Variants in CADM2 observed in about 807,000 individuals in gnomAD.
The protein encoded by CADM2 is immunoglobulin superfamily member 4D.
In CADM2, 12 loss-of-function variants were observed where a neutral mutation model predicts 49.8. That is an observed-to-expected ratio of 0.24 (90% confidence interval 0.15 to 0.39). The LOEUF (loss-of-function observed/expected upper bound fraction) is 0.39, where lower values mean the gene tolerates loss of function less well. Among genes scored for constraint, CADM2 ranks in the 10% least tolerant of loss-of-function variants. The pLI is 1.00. For missense variants in CADM2, 378 were observed against 492.3 expected (o/e 0.77, Z 2.20); for synonymous variants, 214 against 175.4 (o/e 1.22, Z -1.74).
At chr3:85,599,909 T>C in intron 1 of CADM2, among the ~76,000 whole-genome samples, 1 of 40,924 alleles carries the variant, frequency 2.4e-5, no homozygotes, top group African/African-American at 7.1e-5. Context: ...AGAAATTATG[T>C]ACATAGTTAA....
At chr3:85,998,371 C>T (rs1002966537) in intron 8 of CADM2, among the ~76,000 whole-genome samples, 8 of 152,024 alleles carry the variant, frequency 5.3e-5, no homozygotes, top group East Asian at 1.9e-4. Flanking sequence ...AGGAATAATA[C>T]GGCTTTCCTT....
At chr3:85,495,843 C>A (rs1350274123) in intron 1 of CADM2, among the ~76,000 whole-genome samples, 2 of 152,030 alleles carry the variant, frequency 1.3e-5, no homozygotes, top group Non-Finnish European at 2.9e-5. Context: ...ACAAGCCATT[C>A]ATGAGGGATC....
At chr3:85,057,935 A>C (rs2036151540) in intron 1 of CADM2, among the ~76,000 whole-genome samples, 1 of 152,154 alleles carries the variant, frequency 6.6e-6, no homozygotes, top group Non-Finnish European at 1.5e-5. Context: ...CTTTTTCATA[A>C]AATATTTTAC....
intron 3 of CADM2, among the ~76,000 whole-genome samples, chr3:85,843,908 C>A (rs1030110251): frequency 6.6e-6 from 1 of 151,232 alleles, no homozygotes; most frequent in African/African-American, 2.4e-5. Context: ...GGGGGGGGAG[C>A]GGTTACTAAA....
intron 1 of CADM2, among the ~76,000 whole-genome samples, chr3:85,282,606 T>C (rs1370019507): frequency 1.3e-5 from 2 of 151,850 alleles, no homozygotes; most frequent in Non-Finnish European, 2.9e-5. Context: ...CTGAAACTTA[T>C]ATAGATTTCG....
At chr3:85,439,173 A>T (rs868062698) in intron 1 of CADM2, among the ~76,000 whole-genome samples, 115 of 132,848 alleles carry the variant, frequency 8.7e-4, no homozygotes, top group African/African-American at 3.5e-3. Flanking sequence ...TTTTTTTTTT[A>T]ACGGAGTTTC....
chr3:85,403,243 C>A (rs1240672062), intron 1 of CADM2, among the ~76,000 whole-genome samples: 1 of 152,052 alleles, frequency 6.6e-6, no homozygotes, highest in Non-Finnish European at 1.5e-5. Flanking sequence ...GATGAAGCGA[C>A]ATTGTATTCT....
intron 1 of CADM2, among the ~76,000 whole-genome samples, chr3:85,616,909 GA>G (rs2063815094): frequency 6.6e-6 from 1 of 152,088 alleles, no homozygotes; most frequent in African/African-American, 2.4e-5. Flanking sequence ...ACTTGGCTAA[GA>G]AACAAAGTCT....
At chr3:85,145,420 C>A (rs1183788218) in intron 1 of CADM2, among the ~76,000 whole-genome samples, 1 of 151,940 alleles carries the variant, frequency 6.6e-6, no homozygotes, top group Non-Finnish European at 1.5e-5. Flanking sequence ...CTTTTTTTCC[C>A]ACAGTATTTT....
At chr3:85,247,108 AAATAT>A (rs1204859920) in intron 1 of CADM2, among the ~76,000 whole-genome samples, 4 of 152,074 alleles carry the variant, frequency 2.6e-5, no homozygotes, top group African/African-American at 9.6e-5. Flanking sequence ...ACATCATACT[AAATAT>A]AATAAAATAA....
chr3:85,892,140 C>T (rs1445541745), intron 5 of CADM2, among the ~76,000 whole-genome samples: 31 of 152,146 alleles, frequency 2.0e-4, no homozygotes, highest in Admixed American at 2.0e-3. Flanking sequence ...GCATTGCAAG[C>T]AAGAGCTGGT....
chr3:85,766,564 A>T (rs2069665534), intron 2 of CADM2, among the ~76,000 whole-genome samples: 1 of 152,232 alleles, frequency 6.6e-6, no homozygotes, highest in Non-Finnish European at 1.5e-5. Context: ...ATTTGGAGCA[A>T]CCAAGAGACT....
rs201394788 is a variant in CADM2 at position 85,507,825 on chromosome 3, T to A, written c.62-218697T>A. 1.2e-4 allele frequency among the ~76,000 whole-genome samples: 19 copies of A among 152,350 alleles called. No homozygotes were observed. In the East Asian group the frequency reaches 3.7e-3, roughly 29 times the overall value. On this transcript the variant is annotated intron_variant, in intron 1 of 9. Coordinates refer to ENST00000383699, the MANE Select transcript of CADM2 (RefSeq NM_001167675.2). ...AAGCATATCTGTTTCTGGGGGATAA[T>A]TTAACCAATTTTACACTTGTGGCAG... is the stretch of plus-strand genomic sequence containing the variant.
intron 1 of CADM2, among the ~76,000 whole-genome samples, chr3:85,603,320 G>A (rs2063463446): frequency 1.3e-5 from 2 of 151,836 alleles, no homozygotes; most frequent in African/African-American, 4.8e-5. Context: ...GGATACAGTT[G>A]GTAGTTCTTG....
At chr3:85,805,169 C>T (rs1577351193) in intron 3 of CADM2, among the ~76,000 whole-genome samples, 1 of 152,066 alleles carries the variant, frequency 6.6e-6, no homozygotes, top group Non-Finnish European at 1.5e-5. Flanking sequence ...GGCTGCAACT[C>T]CTGAGCTCAA....
intron 1 of CADM2, among the ~76,000 whole-genome samples, chr3:85,670,755 TGAG>T (rs568675365): frequency 1.3e-4 from 20 of 152,280 alleles, no homozygotes; most frequent in African/African-American, 3.4e-4. Flanking sequence ...AGAAGAGAGA[TGAG>T]GAAGTAATTT....
chr3:85,035,385 G>T (rs1012137210), intron 1 of CADM2, among the ~76,000 whole-genome samples: 1 of 152,092 alleles, frequency 6.6e-6, no homozygotes, highest in African/African-American at 2.4e-5. Flanking sequence ...TTTTCAGTTT[G>T]TTGACTGTTT....
chr3:85,740,362 G>A (rs1320909733), intron 2 of CADM2, among the ~76,000 whole-genome samples: 2 of 152,100 alleles, frequency 1.3e-5, no homozygotes, highest in South Asian at 2.1e-4. Context: ...TAAAGATAAT[G>A]AACTCTTCCT....
intron 1 of CADM2, among the ~76,000 whole-genome samples, chr3:85,194,062 T>G (rs1937742478): frequency 6.6e-6 from 1 of 152,112 alleles, no homozygotes; most frequent in African/African-American, 2.4e-5. Flanking sequence ...CAGAGAAGCC[T>G]TCCTAAAGAA....
Sources: gnomAD v4.1 joint callset for allele counts (sites outside exome capture counted in the v4.1 genomes callset) on GRCh38, gnomAD v4.1.1 for gene constraint, MANE v1.5 for transcripts, NCBI Gene and HGNC (gene_info 2026-07-23, HGNC 2026-07-21) for gene names.